The following TECTA variants were observed in gnomAD, a reference collection of about 807,000 sequenced individuals.
The protein encoded by TECTA is tectorin alpha.
Under a neutral mutation model 216.8 loss-of-function variants are expected in TECTA, and 128 were observed. The observed-to-expected ratio is 0.59, with a 90% CI of 0.51 to 0.68. The LOEUF (loss-of-function observed/expected upper bound fraction) is 0.68, where lower values mean the gene tolerates loss of function less well. Among genes scored for constraint, TECTA ranks in the 30% least tolerant of loss-of-function variants. TECTA has a pLI of 0.00. For synonymous variants in TECTA, 1,089 were observed against 1,117.1 expected, an observed-to-expected ratio of 0.97 and a Z score of 0.50; for missense variants, 2,551 against 2,786.2, an observed-to-expected ratio of 0.92 and a Z score of 1.90.
At chr11:121,147,255 C>T (rs1350707832) in intron 12 of TECTA, among the ~76,000 whole-genome samples, 2 of 152,162 alleles carry the variant, frequency 1.3e-5, no homozygotes, top group Non-Finnish European at 2.9e-5. Flanking sequence ...CTAAGCGATG[C>T]AGCAGGGTCC....
intron 20 of TECTA, among the ~76,000 whole-genome samples, chr11:121,175,986 GT>G (rs1342994267): frequency 6.6e-6 from 1 of 150,968 alleles, no homozygotes; most frequent in Non-Finnish European, 1.5e-5. Flanking sequence ...TTTAAAGTCT[GT>G]TTTATCAGAG....
rs376541939 is a variant in TECTA, at chr11:121,105,944, G to A, written c.178G>A (p.Val60Ile). Residue 60 changes from valine (V) to isoleucine (I), a missense_variant, in exon 3 of 24, where the codon GTT becomes ATT. Physicochemically the swap from Val to Ile is conservative, Grantham distance 29 (BLOSUM62 3). Around this residue, in one of 3 missense-constraint regions of TECTA, gnomAD observed 2,375 missense variants for 2,563.9 expected, o/e 0.93. Coordinates refer to ENST00000392793, the MANE Select transcript of TECTA (RefSeq NM_005422.4). This position sits in a 1 kb window ranked among gnomAD's most constrained non-coding sequence, Gnocchi z 5.3. ...KLAIPVFFFG[V>I]PYRTVYVNNN... ...GGCCATCCCAGTTTTCTTCTTTGGCGTTCCTTACCGCACTGTCTATGTAAG... is the reference window on the plus strand; with the variant it reads ...GGCCATCCCAGTTTTCTTCTTTGGCATTCCTTACCGCACTGTCTATGTAAG... The A allele has an allele frequency of 1.9e-6, 3 of 1,614,144 alleles. No individual in the cohort carries two copies. Among genetic ancestry groups the A allele is most frequent in the East Asian group, 2.2e-5 (1 of 44,886 alleles).
At chr11:121,144,487 G>C (rs1468870423) in intron 11 of TECTA, among the ~76,000 whole-genome samples, 1 of 152,068 alleles carries the variant, frequency 6.6e-6, no homozygotes, top group Non-Finnish European at 1.5e-5. Context: ...TCTGGTCAGA[G>C]AACAATCTTA....
In TECTA at chr11:121,187,855, C is replaced by A. The variant is rs1341331216; in HGVS notation, c.6023C>A (p.Thr2008Asn). The A allele has an allele frequency of 6.2e-7, 1 of 1,614,216 alleles. No individual in the cohort carries two copies. Among genetic ancestry groups the A allele is most frequent in the Non-Finnish European group, 8.5e-7 (1 of 1,180,038 alleles). The change falls in exon 21 of 24, where the codon ACC (threonine) becomes AAC (asparagine). Residue 2008 changes from threonine (T) to asparagine (N), a missense_variant. Physicochemically the swap from Thr to Asn is moderately conservative, Grantham distance 65 (BLOSUM62 0). Coordinates refer to ENST00000392793, the MANE Select transcript of TECTA (RefSeq NM_005422.4). Reference protein sequence around the residue: ...EGGCQNLKDNTIGIEENAVSL... With the variant: ...EGGCQNLKDNNIGIEENAVSL... The stretch of plus-strand genomic sequence containing the variant: ...AGGTGTCAGAACCTCAAAGATAACA[C>A]CATTGGCATCGAGGAGAATGCAGTC...
chr11:121,140,281 C>T (rs749227543), intron 11 of TECTA, among the ~76,000 whole-genome samples: 2 of 152,176 alleles, frequency 1.3e-5, no homozygotes, highest in African/African-American at 2.4e-5. Flanking sequence ...ACTCTTCTTT[C>T]ATGCTACCCT....
intron 20 of TECTA, among the ~76,000 whole-genome samples, chr11:121,185,483 A>C (rs1947275586): frequency 7.2e-6 from 1 of 138,194 alleles, no homozygotes; most frequent in East Asian, 2.0e-4. Context: ...GGGAAAGCAG[A>C]TGTTGAATGC....
At chr11:121,170,161 A>G (rs1005032198) in intron 20 of TECTA, among the ~76,000 whole-genome samples, 1 of 152,136 alleles carries the variant, frequency 6.6e-6, no homozygotes, top group Admixed American at 6.6e-5. Flanking sequence ...AGTTCTGACC[A>G]TGTTGTTGCA....
intron 7 of TECTA, among the ~76,000 whole-genome samples, chr11:121,119,246 T>C (rs909056355): frequency 1.3e-5 from 2 of 152,164 alleles, no homozygotes; most frequent in Non-Finnish European, 2.9e-5. Flanking sequence ...TCCAAATGGA[T>C]TGATGTCTCC....
rs1378732562 is a variant in TECTA, at chr11:121,162,135, T to A, written c.5037T>A (p.Asn1679Lys). 1 of 1,614,170 alleles carries A rather than the reference T, an allele frequency of 6.2e-7. No homozygotes were observed. Among genetic ancestry groups the A allele is most frequent in the Non-Finnish European group, 8.5e-7 (1 of 1,180,044 alleles). ...QFSQYAAMCD[N>K]VHIQKMQGDG... Reference sequence around the variant, plus strand: ...CACAGTATGCAGCCATGTGTGACAATGTGCACATCCAGAAGATGCAGGGTG... The same window carrying A: ...CACAGTATGCAGCCATGTGTGACAAAGTGCACATCCAGAAGATGCAGGGTG... Residue 1679 changes from asparagine (N) to lysine (K), a missense_variant, in exon 16 of 24, where the codon AAT (asparagine) becomes AAA (lysine). Physicochemically the swap from Asn to Lys is moderately conservative, Grantham distance 94. Around this residue, in one of 3 missense-constraint regions of TECTA, gnomAD observed 2,375 missense variants for 2,563.9 expected, o/e 0.93. Coordinates refer to ENST00000392793, the MANE Select transcript of TECTA (RefSeq NM_005422.4).
intron 7 of TECTA, among the ~76,000 whole-genome samples, chr11:121,121,217 G>C (rs1373907291): frequency 6.6e-6 from 1 of 152,188 alleles, no homozygotes; most frequent in Non-Finnish European, 1.5e-5. Context: ...TACAAAGCCT[G>C]GCACACAGTA....
chr11:121,131,101 C>A (rs1002097005), intron 10 of TECTA, among the ~76,000 whole-genome samples: 13 of 149,074 alleles, frequency 8.7e-5, no homozygotes, highest in African/African-American at 3.2e-4. Flanking sequence ...GTGGTCCCAA[C>A]TATTTGGAAG....
rs919991273 is a variant in TECTA, at chr11:121,191,403, G to C, written c.*597G>C. 6.3e-6 allele frequency: 1 copy of C among 158,256 alleles called. No homozygotes were observed. Among genetic ancestry groups the C allele is most frequent in the Non-Finnish European group, 1.4e-5 (1 of 71,408 alleles). 9.8% of individuals were successfully genotyped at this position (158,256 alleles called of 1,614,324 possible). On this transcript the variant is annotated 3_prime_UTR_variant, in exon 24 of 24. Transcript: ENST00000392793. ...ACCCCACCCACTCTCCTACCCCCTC[G>C]AACCCAATCCCTTCTCTTTTTACAA...
chr11:121,158,372 C>A, intron 14 of TECTA, 148 bp downstream of exon 14: 1 of 1,190,426 alleles, frequency 8.4e-7, no homozygotes, highest in Non-Finnish European at 1.2e-6. Flanking sequence ...TTTAAAGAAT[C>A]AAAGTATGAA....
chr11:121,154,449 A>G (rs958909501), intron 13 of TECTA, among the ~76,000 whole-genome samples: 1 of 152,252 alleles, frequency 6.6e-6, no homozygotes, highest in African/African-American at 2.4e-5. Flanking sequence ...AAGGCAGAAC[A>G]TGTGGAAAAA....
At chr11:121,134,540 C>T (rs754145366) in intron 10 of TECTA, among the ~76,000 whole-genome samples, 1 of 152,018 alleles carries the variant, frequency 6.6e-6, no homozygotes, top group Non-Finnish European at 1.5e-5. Context: ...TCGGCCACCA[C>T]ATCCGGTGGG....
chr11:121,142,122 T>A (rs688106), intron 11 of TECTA, among the ~76,000 whole-genome samples: 48,644 of 152,046 alleles, frequency 0.32, 11,133 homozygotes, highest in African/African-American at 0.65. Context: ...GCAAGGAGAC[T>A]TTGCTGCAGA....
At chr11:121,160,011 G>T in intron 14 of TECTA, 124 bp from the exon 15 acceptor site, 1 of 1,022,478 alleles carries the variant, frequency 9.8e-7, no homozygotes, top group East Asian at 2.5e-5. Flanking sequence ...GGGACAGAAT[G>T]GAGTCGTTGA....
At chr11:121,167,988 A>C in intron 18 of TECTA, 66 bp from the exon 19 acceptor site, 2 of 1,585,594 alleles carry the variant, frequency 1.3e-6, no homozygotes, top group Non-Finnish European at 1.7e-6. Flanking sequence ...AGGGATATGG[A>C]TTTGATATGC....
chr11:121,162,753 C>G (rs1346232398), intron 16 of TECTA, among the ~76,000 whole-genome samples: 1 of 152,100 alleles, frequency 6.6e-6, no homozygotes, highest in East Asian at 1.9e-4. Context: ...TATCAGAAAG[C>G]GAAGGCACAG....
Sources: gnomAD v4.1 joint callset for allele counts (sites outside exome capture counted in the v4.1 genomes callset) on GRCh38, gnomAD v4.1.1 for gene constraint, gnomAD v4.1.1 regional missense constraint, Gnocchi (gnomAD v3.1) non-coding constraint, MANE v1.5 for transcripts, NCBI Gene and HGNC (gene_info 2026-07-23, HGNC 2026-07-21) for gene names.